Variants in RAD51B observed in about 807,000 individuals in gnomAD.
The protein encoded by RAD51B is DNA repair protein RAD51 homolog 2.
Under a neutral mutation model 42.2 loss-of-function variants are expected in RAD51B, and 38 were observed. The ratio of observed to expected loss-of-function variants is 0.90; its 90% CI spans 0.70 to 1.18. The LOEUF is 1.18. Among genes scored for constraint, RAD51B ranks in the 50% most tolerant of loss-of-function variants. The pLI is 0.00. For synonymous variants in RAD51B, 154 were observed against 145.2 expected (o/e 1.06, Z -0.43); for missense variants, 373 against 400.7 (o/e 0.93, Z 0.59).
chr14:68,193,043 A>G (rs1466653197), intron 7 of RAD51B, among the ~76,000 whole-genome samples: 2 of 152,110 alleles, frequency 1.3e-5, no homozygotes, highest in African/African-American at 2.4e-5. Flanking sequence ...TACTGATAAC[A>G]TTTTTGTGGA....
chr14:68,364,809 T>C (rs780047873), intron 8 of RAD51B, among the ~76,000 whole-genome samples: 1 of 152,084 alleles, frequency 6.6e-6, no homozygotes, highest in African/African-American at 2.4e-5. Context: ...AAGAATCTTA[T>C]GTGTGTGTGT....
chr14:67,981,268 A>T (rs944892625), intron 7 of RAD51B, among the ~76,000 whole-genome samples: 2 of 152,230 alleles, frequency 1.3e-5, no homozygotes, highest in African/African-American at 4.8e-5. Flanking sequence ...TTATGTGTCA[A>T]CTAAAAATAA....
intron 10 of RAD51B, among the ~76,000 whole-genome samples, chr14:68,518,889 A>G (rs10135398): frequency 0.24 from 36,033 of 151,874 alleles, 4,598 homozygotes; most frequent in East Asian, 0.51. Flanking sequence ...GGATTTAGGG[A>G]AAAAAAATTA....
intron 7 of RAD51B, among the ~76,000 whole-genome samples, chr14:67,901,200 G>GA (rs1166556775): frequency 2.6e-5 from 4 of 152,170 alleles, no homozygotes; most frequent in East Asian, 1.9e-4. Flanking sequence ...GCCTGGGGTT[G>GA]ACTCCATCTT....
intron 10 of RAD51B, among the ~76,000 whole-genome samples, chr14:68,632,403 C>T (rs994289420): frequency 4.6e-5 from 7 of 152,172 alleles, no homozygotes; most frequent in Non-Finnish European, 7.3e-5. Flanking sequence ...GCCGCTCGGC[C>T]GTCTGGGACT....
intron 8 of RAD51B, among the ~76,000 whole-genome samples, chr14:68,392,903 C>T (rs1002732723): frequency 6.6e-6 from 1 of 152,190 alleles, no homozygotes; most frequent in Non-Finnish European, 1.5e-5. Context: ...GTCAGCAGAA[C>T]AGCTTTACAA....
intron 8 of RAD51B, among the ~76,000 whole-genome samples, chr14:68,314,471 G>A (rs944281155): frequency 5.3e-5 from 8 of 152,140 alleles, no homozygotes; most frequent in African/African-American, 7.2e-5. Context: ...TCTTTTCAGC[G>A]AATCTGATTT....
chr14:67,869,010 A>G (rs1185608120), intron 5 of RAD51B, among the ~76,000 whole-genome samples: 2 of 152,228 alleles, frequency 1.3e-5, no homozygotes, highest in African/African-American at 4.8e-5. Flanking sequence ...AAAACTGGAA[A>G]CTCTGAAAAG....
chr14:68,066,934 TAGC>T (rs1209711035), intron 7 of RAD51B, among the ~76,000 whole-genome samples: 3 of 152,158 alleles, frequency 2.0e-5, no homozygotes, highest in Non-Finnish European at 4.4e-5. Flanking sequence ...AATTTTTTTC[TAGC>T]AGCACATTGA....
chr14:68,202,804 A>G (rs1393445379), intron 7 of RAD51B, among the ~76,000 whole-genome samples: 1 of 151,240 alleles, frequency 6.6e-6, no homozygotes, highest in Non-Finnish European at 1.5e-5. Context: ...CTGGTCTCGA[A>G]CTCCCAACCT....
At chr14:68,593,482 C>A (rs1409612856) in intron 10 of RAD51B, among the ~76,000 whole-genome samples, 1 of 152,172 alleles carries the variant, frequency 6.6e-6, no homozygotes, top group African/African-American at 2.4e-5. Flanking sequence ...GTAGTAGGAA[C>A]TGATTAGGGC....
chr14:67,924,360 G>T (rs1465240390), intron 7 of RAD51B, among the ~76,000 whole-genome samples: 2 of 152,100 alleles, frequency 1.3e-5, no homozygotes, highest in Admixed American at 6.6e-5. Flanking sequence ...TTATGTTCAG[G>T]TCTTAGATTT....
At chr14:68,510,279 T>A (rs1885635514) in intron 10 of RAD51B, among the ~76,000 whole-genome samples, 1 of 152,196 alleles carries the variant, frequency 6.6e-6, no homozygotes, top group Non-Finnish European at 1.5e-5. Flanking sequence ...TGCAACCTAT[T>A]AATGGCCCAG....
chr14:67,940,049 TA>T (rs1566969289), intron 7 of RAD51B, among the ~76,000 whole-genome samples: 2 of 16,304 alleles, frequency 1.2e-4, no homozygotes, highest in East Asian at 2.6e-3. Flanking sequence ...TATATATATA[TA>T]TATATTTTTT....
chr14:68,401,813 T>C, intron 8 of RAD51B, among the ~76,000 whole-genome samples: 1 of 152,356 alleles, frequency 6.6e-6, no homozygotes, highest in East Asian at 1.9e-4. Flanking sequence ...TAAAGTATTT[T>C]GAGAATCTCA....
intron 9 of RAD51B, among the ~76,000 whole-genome samples, chr14:68,455,664 G>A (rs1265238618): frequency 5.9e-5 from 9 of 152,106 alleles, no homozygotes; most frequent in Non-Finnish European, 1.5e-5. Flanking sequence ...AGGTTGCAGT[G>A]AGCCGAGATT....
At chr14:68,328,467 C>T (rs1595713412) in intron 8 of RAD51B, among the ~76,000 whole-genome samples, 1 of 152,264 alleles carries the variant, frequency 6.6e-6, no homozygotes, top group Middle Eastern at 3.4e-3. Context: ...TTCCATACTC[C>T]ATATAATGGA....
intron 7 of RAD51B, among the ~76,000 whole-genome samples, chr14:68,222,313 G>T (rs1033206904): frequency 6.6e-6 from 1 of 152,182 alleles, no homozygotes; most frequent in Non-Finnish European, 1.5e-5. Flanking sequence ...AGGAAATGTG[G>T]TATATGTATA....
At chr14:68,141,774 A>G (rs550008535) in intron 7 of RAD51B, among the ~76,000 whole-genome samples, 1 of 152,310 alleles carries the variant, frequency 6.6e-6, no homozygotes, top group South Asian at 2.1e-4. Context: ...AGTATGTTAG[A>G]TAAGAAAACA....
Sources: allele counts gnomAD v4.1 joint callset (sites outside exome capture counted in the v4.1 genomes callset), GRCh38; gene constraint gnomAD v4.1.1; transcripts MANE v1.5; gene names NCBI Gene and HGNC (gene_info 2026-07-23, HGNC 2026-07-21).